Variants in VPS13B observed in about 807,000 individuals in gnomAD.
VPS13B encodes the protein intermembrane lipid transfer protein VPS13B.
VPS13B carries 285 observed loss-of-function variants against 426.4 expected under a neutral mutation model. That is an observed-to-expected ratio of 0.67 (90% CI 0.61 to 0.74). The LOEUF (loss-of-function observed/expected upper bound fraction) is 0.74, where lower values mean the gene tolerates loss of function less well. Among genes scored for constraint, VPS13B ranks in the 30% least tolerant of loss-of-function variants. The pLI is 0.00. For missense variants in VPS13B, 4,537 were observed against 4,782.6 expected, an observed-to-expected ratio of 0.95 and a Z score of 1.51; for synonymous variants, 1,676 against 1,676.4, an observed-to-expected ratio of 1.00 and a Z score of 0.01.
chr8:99,501,664 A>ATTTTTTTT (rs747966427), intron 25 of VPS13B, 23 bp from the exon 26 acceptor site: 3 of 1,604,086 alleles, frequency 1.9e-6, no homozygotes, highest in Non-Finnish European at 2.6e-6. Flanking sequence ...ACAAAGTAAG[A>ATTTTTTTT]TTTTTTTTTC....
At chr8:99,593,064 G>T (rs538780851) in intron 33 of VPS13B, among the ~76,000 whole-genome samples, 1 of 152,130 alleles carries the variant, frequency 6.6e-6, no homozygotes, top group South Asian at 2.1e-4. Context: ...TTGACAAATG[G>T]GATCTAATTA....
intron 3 of VPS13B, among the ~76,000 whole-genome samples, chr8:99,039,624 A>T (rs2132225770): frequency 6.6e-6 from 1 of 152,018 alleles, no homozygotes; most frequent in Middle Eastern, 3.4e-3. Flanking sequence ...GTAAATTGAT[A>T]AGTATTATTA....
chr8:99,014,677 TCG>T (rs1234809154), intron 2 of VPS13B, among the ~76,000 whole-genome samples: 2 of 119,576 alleles, frequency 1.7e-5, no homozygotes, highest in Non-Finnish European at 3.4e-5. Context: ...CTTGTGGGGG[TCG>T]AGGAAAAAAA....
At chr8:99,602,574 G>A (rs1461643166) in intron 33 of VPS13B, among the ~76,000 whole-genome samples, 2 of 152,186 alleles carry the variant, frequency 1.3e-5, no homozygotes, top group African/African-American at 4.8e-5. Context: ...GTTCAAAGAG[G>A]AAGAGAGGAA....
At chr8:99,667,884 T>C (rs964342100) in intron 35 of VPS13B, among the ~76,000 whole-genome samples, 2 of 152,182 alleles carry the variant, frequency 1.3e-5, no homozygotes, top group South Asian at 2.1e-4. Context: ...TCTTAGGGAA[T>C]AGGATACTAA....
At chr8:99,660,696 A>G (rs1015390670) in intron 34 of VPS13B, among the ~76,000 whole-genome samples, 1 of 152,044 alleles carries the variant, frequency 6.6e-6, no homozygotes, top group Non-Finnish European at 1.5e-5. Context: ...AAAATATACA[A>G]TATTACCCAG....
rs560337118 is a variant in VPS13B at position 99,486,626 on chromosome 8, G to C, written c.3870+4824G>C. On this transcript the variant is annotated intron_variant, in intron 25 of 61. Transcript: ENST00000357162. ...AAGCCTAGTGTCTAGTGTATCTTTT[G>C]CTTAAAAAGCAGCTCTGTTTGCCTC... Among the ~76,000 whole-genome samples, 10 of 152,116 alleles carry C rather than the reference G, an allele frequency of 6.6e-5. 1 individual carries two copies. Among genetic ancestry groups the C allele is most frequent in the Non-Finnish European group, 1.3e-4 (9 of 68,026 alleles).
chr8:99,088,040 T>C (rs1310451979), intron 3 of VPS13B, among the ~76,000 whole-genome samples: 1 of 151,702 alleles, frequency 6.6e-6, no homozygotes, highest in Non-Finnish European at 1.5e-5. Flanking sequence ...AAAAATTAGC[T>C]GGGCGTGGTG....
chr8:99,062,801 A>C (rs1471473513), intron 3 of VPS13B, among the ~76,000 whole-genome samples: 1 of 152,238 alleles, frequency 6.6e-6, no homozygotes, highest in Non-Finnish European at 1.5e-5. Context: ...TTAATACATA[A>C]GAATACATTA....
At chr8:99,395,337 C>T (rs1336822044) in intron 21 of VPS13B, among the ~76,000 whole-genome samples, 4 of 152,170 alleles carry the variant, frequency 2.6e-5, no homozygotes, top group African/African-American at 4.8e-5. Flanking sequence ...GAATGCATGG[C>T]GATGAGACCT....
intron 19 of VPS13B, among the ~76,000 whole-genome samples, chr8:99,300,534 G>C (rs2133069970): frequency 6.6e-6 from 1 of 152,302 alleles, no homozygotes; most frequent in Admixed American, 6.5e-5. Context: ...TTCCAAGTCA[G>C]TTTGTAACCA....
rs557005541 is a variant in VPS13B, at chr8:99,866,224, G to C, written c.11216-2065G>C. Reference sequence around the variant, plus strand: ...GTCTATGACAGTCCATAATTTACCAGTTGTGGGATTTAGCTGGATATACTT... The same window carrying C: ...GTCTATGACAGTCCATAATTTACCACTTGTGGGATTTAGCTGGATATACTT... On this transcript the variant is annotated intron_variant, in intron 58 of 61. Coordinates refer to ENST00000357162, the MANE Select transcript of VPS13B (RefSeq NM_152564.5). Among the ~76,000 whole-genome samples the C allele has an allele frequency of 2.0e-5, 3 of 152,350 alleles. No homozygotes were observed. In the East Asian group the frequency reaches 5.8e-4, roughly 29 times the overall value.
intron 3 of VPS13B, among the ~76,000 whole-genome samples, chr8:99,076,096 A>G (rs997515212): frequency 6.6e-6 from 1 of 152,012 alleles, no homozygotes; most frequent in Non-Finnish European, 1.5e-5. Flanking sequence ...TAATGTTTTA[A>G]ATTACTTTAT....
Position 99,784,191 on chromosome 8 carries a change from C to T in VPS13B, c.7780-124C>T, listed in dbSNP as rs527512595. 4.2e-6 allele frequency: 5 copies of T among 1,199,714 alleles called. No individual in the cohort carries two copies. The South Asian group carries it at 6.1e-5, about 15-fold the overall frequency. 74.3% of individuals were successfully genotyped at this position (1,199,714 alleles called of 1,614,324 possible). A position where few individuals can be genotyped will look rare whatever the true frequency, so the allele number is the denominator to read the frequency against. ...TGGCAGTATAGAATACTTTGTATAC[C>T]AGAGCTAATGACAACAGATCTTTTA... is the stretch of plus-strand genomic sequence containing the variant. On this transcript the variant is annotated intron_variant, in intron 42 of 61. Coordinates refer to ENST00000357162, the MANE Select transcript of VPS13B (RefSeq NM_152564.5).
At chr8:99,410,198 A>G (rs973894321) in intron 21 of VPS13B, among the ~76,000 whole-genome samples, 108 of 152,286 alleles carry the variant, frequency 7.1e-4, no homozygotes, top group African/African-American at 2.5e-3. Context: ...ATTACACTTA[A>G]TTGTTTAACA....
intron 50 of VPS13B, among the ~76,000 whole-genome samples, chr8:99,822,859 T>C (rs1443998926): frequency 6.6e-6 from 1 of 152,160 alleles, no homozygotes; most frequent in Admixed American, 6.6e-5. Context: ...TAATAACATC[T>C]CATGTCATGT....
chr8:99,685,262 A>G (rs1340240960), intron 35 of VPS13B, among the ~76,000 whole-genome samples: 2 of 152,236 alleles, frequency 1.3e-5, no homozygotes, highest in Non-Finnish European at 2.9e-5. Context: ...TTAGTTTTCT[A>G]TTGATGCATA....
rs139720671 is a variant in VPS13B at position 99,208,862 on chromosome 8, T to C, written c.2515+15805T>C. ...CTTGTACATTCTTTGAAGTAGAAAA[T>C]CTGAACAATATTTTACAGGTTTAAA... On this transcript the variant is annotated intron_variant, in intron 17 of 61. Transcript: ENST00000357162. Among the ~76,000 whole-genome samples the C allele has an allele frequency of 2.9e-3, 435 of 152,298 alleles. 3 individuals are homozygous for C. Among genetic ancestry groups the C allele is most frequent in the African/African-American group, 1.0e-2 (415 of 41,572 alleles).
At chr8:99,644,441 C>G (rs1829495342) in intron 34 of VPS13B, among the ~76,000 whole-genome samples, 1 of 152,076 alleles carries the variant, frequency 6.6e-6, no homozygotes. Context: ...GAATTATAAT[C>G]AATTCCTAGG....
Sources: allele counts gnomAD v4.1 joint callset (sites outside exome capture counted in the v4.1 genomes callset), GRCh38; gene constraint gnomAD v4.1.1; transcripts MANE v1.5; gene names NCBI Gene and HGNC (gene_info 2026-07-23, HGNC 2026-07-21).